TMC1: variants seen among roughly 807,000 people sequenced by gnomAD.
TMC1 encodes transmembrane channel-like protein 1.
Under a neutral mutation model 105.8 loss-of-function variants are expected in TMC1, and 84 were observed. The ratio of observed to expected loss-of-function variants is 0.79; its 90% CI spans 0.67 to 0.95. TMC1 has a LOEUF of 0.95. Among genes scored for constraint, TMC1 ranks in the 40% least tolerant of loss-of-function variants. The pLI is 0.00. For missense variants in TMC1, 817 were observed against 914.1 expected, an observed-to-expected ratio of 0.89 and a Z score of 1.37; for synonymous variants, 315 against 311.5, an observed-to-expected ratio of 1.01 and a Z score of -0.12.
chr9:72,787,635 G>A lies in TMC1; in HGVS notation c.885-704G>A, dbSNP rs140617180. 3.2e-3 allele frequency among the ~76,000 whole-genome samples: 487 copies of A among 149,882 alleles called. 4 individuals are homozygous for A. The highest frequency in any genetic ancestry group is 3.6e-3 in the Non-Finnish European group (245 of 67,388). On this transcript the variant is annotated intron_variant, in intron 13 of 23. Coordinates refer to ENST00000297784, the MANE Select transcript of TMC1 (RefSeq NM_138691.3). ...AGTAAATGCATTTTAAGCTCTTCAT[G>A]CAAATACATATATATATATATATAC...
chr9:72,558,694 G>A (rs1402917624), intron 1 of TMC1, among the ~76,000 whole-genome samples: 1 of 152,118 alleles, frequency 6.6e-6, no homozygotes, highest in African/African-American at 2.4e-5. Context: ...TGGTTTACAT[G>A]CTTTTACATG....
At position 72,616,371 on chromosome 9, in the gene TMC1, A is replaced by G. The variant is rs1386057006; in HGVS notation, c.-302A>G. The G allele has an allele frequency of 3.3e-5, 5 of 152,270 alleles. No homozygotes were observed. Among genetic ancestry groups the G allele is most frequent in the African/African-American group, 1.2e-4 (5 of 41,540 alleles). The allele number at this position is 152,270 out of a possible 1,614,324, so 9.4% of individuals were successfully genotyped here. ...ACTTCTACCTTTATAATTCCAGGCC[A>G]TGAAAGATCACTGTTTTAGTCTGCG... is the stretch of plus-strand genomic sequence containing the variant. On this transcript the variant is annotated 5_prime_UTR_variant, in exon 3 of 24. The change abolishes an upstream ATG in the 5' untranslated region. Transcript: ENST00000297784.
At chr9:72,761,673 G>A (rs1162492845) in intron 12 of TMC1, among the ~76,000 whole-genome samples, 4 of 152,146 alleles carry the variant, frequency 2.6e-5, no homozygotes, top group Non-Finnish European at 5.9e-5. Context: ...CCATCTTGGA[G>A]GTTTGTCCTT....
At chr9:72,534,775 G>A (rs118139621) in intron 1 of TMC1, among the ~76,000 whole-genome samples, 2,379 of 152,164 alleles carry the variant, frequency 0.016, 74 homozygotes, top group East Asian at 0.094. Context: ...ATGCATTTAG[G>A]TTTTCATTCT....
chr9:72,545,763 C>T (rs531862675), intron 1 of TMC1, among the ~76,000 whole-genome samples: 2 of 152,118 alleles, frequency 1.3e-5, no homozygotes, highest in Admixed American at 6.5e-5. Context: ...GCTGGGATTA[C>T]AGGCGTGAGC....
At chr9:72,536,284 G>A (rs925900104) in intron 1 of TMC1, among the ~76,000 whole-genome samples, 3 of 152,290 alleles carry the variant, frequency 2.0e-5, no homozygotes, top group African/African-American at 7.2e-5. Flanking sequence ...GGAGAAACTG[G>A]CCAAAAGAAA....
intron 1 of TMC1, among the ~76,000 whole-genome samples, 187 bp downstream of exon 1, chr9:72,522,100 C>G (rs1316883879): frequency 6.6e-6 from 1 of 151,814 alleles, no homozygotes; most frequent in Non-Finnish European, 1.5e-5. Flanking sequence ...TCCCAGTTTC[C>G]TATTTATCTT....
At chr9:72,529,413 G>A (rs1823460343) in intron 1 of TMC1, among the ~76,000 whole-genome samples, 1 of 152,116 alleles carries the variant, frequency 6.6e-6, no homozygotes, top group Non-Finnish European at 1.5e-5. Context: ...AATAGTCACT[G>A]CACACTAGCT....
At chr9:72,779,191 C>T (rs1231073583) in intron 13 of TMC1, among the ~76,000 whole-genome samples, 2 of 152,190 alleles carry the variant, frequency 1.3e-5, no homozygotes, top group Non-Finnish European at 2.9e-5. Flanking sequence ...GAGCCCAGGT[C>T]CCCTGAAATC....
Position 72,700,528 on chromosome 9 carries a change from G to T in TMC1, c.247G>T (p.Glu83Ter), listed in dbSNP as rs1295277804. 8 of 1,591,682 alleles carry T rather than the reference G, an allele frequency of 5.0e-6. No individual in the cohort carries two copies. Among genetic ancestry groups the T allele is most frequent in the Non-Finnish European group, 6.9e-6 (8 of 1,164,580 alleles). The change falls in exon 8 of 24, where the codon GAA (glutamate) becomes TAA (stop). Residue 83 changes from glutamate (E) to a stop codon, truncating the protein, a stop_gained. Coordinates refer to ENST00000297784, the MANE Select transcript of TMC1 (RefSeq NM_138691.3). LOFTEE classifies it high-confidence loss of function. ...TTTTTACTTTTAAAGAGAAGAAGAA[G>T]AAATTGATGAAGAGGAATTGGAAAG... ...RRLKRGAEEE[E>*]IDEEELERLK...
chr9:72,742,559 T>A, intron 10 of TMC1, 34 bp downstream of exon 10: 1 of 1,559,968 alleles, frequency 6.4e-7, no homozygotes, highest in Non-Finnish European at 8.8e-7. Context: ...TGGAGAAGGT[T>A]GTCTTAGAGA....
intron 3 of TMC1, among the ~76,000 whole-genome samples, chr9:72,619,719 T>C (rs1825207445): frequency 6.6e-6 from 1 of 151,786 alleles, no homozygotes; most frequent in African/African-American, 2.4e-5. Flanking sequence ...AATAGAAAAG[T>C]ACATTATTTT....
At chr9:72,588,560 G>C (rs1824588576) in intron 2 of TMC1, among the ~76,000 whole-genome samples, 2 of 152,078 alleles carry the variant, frequency 1.3e-5, no homozygotes, top group African/African-American at 4.8e-5. Context: ...ATGGTGGCTG[G>C]GTTCCAAGGC....
At chr9:72,787,119 C>A (rs1828180435) in intron 13 of TMC1, among the ~76,000 whole-genome samples, 1 of 151,922 alleles carries the variant, frequency 6.6e-6, no homozygotes, top group South Asian at 2.1e-4. Context: ...TGACTTATCT[C>A]TGTGGTTCAC....
At chr9:72,648,714 G>T in intron 5 of TMC1, 50 bp downstream of exon 5, 2 of 1,514,398 alleles carry the variant, frequency 1.3e-6, no homozygotes, top group Non-Finnish European at 9.2e-7. Flanking sequence ...TTTCTGAGAG[G>T]TATAAAGGTA....
rs1320083965 is a variant in TMC1 at position 72,642,741 on chromosome 9, G to A, written c.-52-5856G>A. 1.1e-4 allele frequency among the ~76,000 whole-genome samples: 16 copies of A among 152,222 alleles called. No homozygotes were observed. In the South Asian group the frequency reaches 1.7e-3, roughly 16 times the overall value. Reference sequence around the variant, plus strand: ...AGTATTGTTTTTCTACTTTTTCTTCGTAGTCAGATTTGTTCAGATATAATT... The same window carrying A: ...AGTATTGTTTTTCTACTTTTTCTTCATAGTCAGATTTGTTCAGATATAATT... On this transcript the variant is annotated intron_variant, in intron 4 of 23. Transcript: ENST00000297784.
chr9:72,796,442 A>G (rs1828370346), intron 17 of TMC1, among the ~76,000 whole-genome samples: 1 of 152,096 alleles, frequency 6.6e-6, no homozygotes, highest in Non-Finnish European at 1.5e-5. Flanking sequence ...TCAGGCCAAT[A>G]TCATGAGGCC....
At chr9:72,817,849 T>C (rs1478031020) in intron 19 of TMC1, among the ~76,000 whole-genome samples, 1 of 152,220 alleles carries the variant, frequency 6.6e-6, no homozygotes, top group Non-Finnish European at 1.5e-5. Context: ...TGTCTTTTTC[T>C]GTTTATTAAT....
chr9:72,827,321 C>G (rs1828972481), intron 21 of TMC1, among the ~76,000 whole-genome samples: 1 of 152,180 alleles, frequency 6.6e-6, no homozygotes, highest in Admixed American at 6.5e-5. Flanking sequence ...CATTGAGCTT[C>G]CCCCCAACAA....
Sources: allele counts gnomAD v4.1 joint callset (sites outside exome capture counted in the v4.1 genomes callset), GRCh38; gene constraint gnomAD v4.1.1; transcripts MANE v1.5; gene names NCBI Gene and HGNC (gene_info 2026-07-23, HGNC 2026-07-21).